FKTN: variants seen among roughly 807,000 people sequenced by gnomAD.
The protein encoded by FKTN is fukutin.
In FKTN, 47 loss-of-function variants were observed where a neutral mutation model predicts 58.6. The ratio of observed to expected loss-of-function variants is 0.80; its 90% CI spans 0.63 to 1.02. The LOEUF (loss-of-function observed/expected upper bound fraction) is 1.02, where lower values mean the gene tolerates loss of function less well. Ranked by LOEUF, FKTN falls within the 50% of genes least tolerant of loss-of-function variation. The probability of loss-of-function intolerance (pLI) is 0.00; values close to 1 mark genes in which losing one functional copy is unlikely to be tolerated. For synonymous variants in FKTN, 178 were observed against 191.9 expected (o/e 0.93, Z 0.60); for missense variants, 516 against 537.3 (o/e 0.96, Z 0.39).
chr9:105,623,642 G>A (rs1461124390), intron 10 of FKTN, among the ~76,000 whole-genome samples: 1 of 152,152 alleles, frequency 6.6e-6, no homozygotes, highest in East Asian at 1.9e-4. Context: ...CCATCCAGGT[G>A]TGGATCCTGT....
At chr9:105,597,235 A>G (rs1826975269) in intron 4 of FKTN, among the ~76,000 whole-genome samples, 1 of 152,168 alleles carries the variant, frequency 6.6e-6, no homozygotes, top group African/African-American at 2.4e-5. Context: ...GTTAGCATAC[A>G]TTATGGGAAT....
rs112124536 is a variant in FKTN, at chr9:105,575,265, GC to G, written c.105+129del. 4.1e-3 allele frequency: 2,732 copies of G among 673,658 alleles called. 69 individuals carry two copies. The African/African-American group carries it at 0.044, about 11-fold the overall frequency. The allele number at this position is 673,658 out of a possible 1,614,324, so 41.7% of individuals were successfully genotyped here. A position where few individuals can be genotyped will look rare whatever the true frequency, so the allele number is the denominator to read the frequency against. On this transcript the variant is annotated intron_variant, in intron 3 of 10. Transcript: ENST00000357998. ...AATTCTTGCATCTTTGCGAGGTGTG[GC>G]AAACAATTAAAAATTCAGTTAAATA... is the stretch of plus-strand genomic sequence containing the variant.
Position 105,638,499 on chromosome 9 carries a change from A to G in FKTN, c.*3235A>G. The G allele has an allele frequency of 1.0e-6, 1 of 985,350 alleles. No individual in the cohort carries two copies. Among genetic ancestry groups the G allele is most frequent in the Non-Finnish European group, 1.2e-6 (1 of 829,910 alleles). 61.0% of individuals were successfully genotyped at this position (985,350 alleles called of 1,614,324 possible). On this transcript the variant is annotated 3_prime_UTR_variant, in exon 11 of 11. Transcript: ENST00000357998. ...TCAAGATGCATCCCATTGCCACTTT[A>G]CCATTCTATTTCCCAAGGGAACCAT... is the stretch of plus-strand genomic sequence containing the variant.
At chr9:105,598,226 A>G (rs930806590) in intron 4 of FKTN, 6 of 403,468 alleles carry the variant, frequency 1.5e-5, no homozygotes, top group East Asian at 7.8e-5. Context: ...GGACTAAAAA[A>G]AATTGTAAAT....
At chr9:105,628,997 C>T (rs1278699490) in intron 10 of FKTN, among the ~76,000 whole-genome samples, 1 of 152,138 alleles carries the variant, frequency 6.6e-6, no homozygotes, top group African/African-American at 2.4e-5. Context: ...TGTGGTTACA[C>T]AGGTATATAC....
chr9:105,629,402 G>A (rs1833126430), intron 10 of FKTN, among the ~76,000 whole-genome samples: 1 of 152,138 alleles, frequency 6.6e-6, no homozygotes, highest in Non-Finnish European at 1.5e-5. Context: ...AACAAATTGT[G>A]TAATCTGATA....
chr9:105,635,175 A>G lies in FKTN; in HGVS notation c.1297A>G (p.Thr433Ala), dbSNP rs141918432. The change falls in exon 11 of 11, where the codon ACG (threonine) becomes GCG (alanine). Residue 433 changes from threonine to alanine, a missense_variant. Transcript: ENST00000357998. ...TAAGACCTGGAAGATTCCTGTAAAG[A>G]CGTGGGACTGGAAGCGCTCTCCTCC... is the stretch of plus-strand genomic sequence containing the variant. ...YGKTWKIPVK[T>A]WDWKRSPPNV... is the part of the protein sequence containing the mutation. 2.6e-3 allele frequency: 4,160 copies of G among 1,614,198 alleles called. 11 individuals are homozygous for G. Among genetic ancestry groups the G allele is most frequent in the Non-Finnish European group, 3.0e-3 (3,516 of 1,180,010 alleles).
chr9:105,628,120 A>G (rs1832956029), intron 10 of FKTN, among the ~76,000 whole-genome samples: 1 of 152,236 alleles, frequency 6.6e-6, no homozygotes, highest in African/African-American at 2.4e-5. Context: ...TTGTAACTCC[A>G]AGAAACACAT....
chr9:105,638,278 T>G lies in FKTN; in HGVS notation c.*3014T>G, dbSNP rs1468081077. 5.1e-6 allele frequency: 5 copies of G among 985,202 alleles called. No homozygotes were observed. The highest frequency in any genetic ancestry group is 6.0e-6 in the Non-Finnish European group (5 of 829,920). The allele number at this position is 985,202 out of a possible 1,614,324, so 61.0% of individuals were successfully genotyped here. ...GCTTCATTGAGGCTAAGTCTCAGGG[T>G]GTTTCTGCCGCTTAGTATCTTTTTG... is the stretch of plus-strand genomic sequence containing the variant. On this transcript the variant is annotated 3_prime_UTR_variant, in exon 11 of 11. Transcript: ENST00000357998.
chr9:105,564,326 G>T (rs915203514), intron 1 of FKTN, among the ~76,000 whole-genome samples: 1 of 152,214 alleles, frequency 6.6e-6, no homozygotes, highest in Non-Finnish European at 1.5e-5. Flanking sequence ...GAGAGAAGAA[G>T]GCTTCAGACG....
At chr9:105,585,117 G>GAA (rs35912971) in intron 3 of FKTN, among the ~76,000 whole-genome samples, 8 of 150,984 alleles carry the variant, frequency 5.3e-5, no homozygotes, top group Non-Finnish European at 7.4e-5. Context: ...ATGCCAGTAG[G>GAA]AAAAAAAAAT....
At chr9:105,559,232 T>C (rs559921667) in intron 1 of FKTN, among the ~76,000 whole-genome samples, 3 of 152,354 alleles carry the variant, frequency 2.0e-5, no homozygotes, top group East Asian at 3.9e-4. Context: ...GCCTCTTGGC[T>C]GTCATTTAAT....
At chr9:105,576,340 C>G (rs930605485) in intron 3 of FKTN, among the ~76,000 whole-genome samples, 9 of 151,924 alleles carry the variant, frequency 5.9e-5, no homozygotes, top group African/African-American at 1.9e-4. Flanking sequence ...ACAACAGTCC[C>G]CAGAGTGTGA....
intron 3 of FKTN, among the ~76,000 whole-genome samples, chr9:105,589,934 G>C (rs76891113): frequency 0.018 from 2,757 of 152,292 alleles, 73 homozygotes; most frequent in African/African-American, 0.063. Context: ...AGTAGGTAAG[G>C]TTAGAGTTTC....
rs1026390370 is a variant in FKTN at position 105,571,540 on chromosome 9, A to G, written c.-180-2115A>G. Among the ~76,000 whole-genome samples the G allele has an allele frequency of 2.0e-5, 3 of 152,216 alleles. No homozygotes were observed. In the East Asian group the frequency reaches 5.8e-4, roughly 29 times the overall value. ...TTTATAAGAATTAGTTGTAAACTAG[A>G]GAAGAAAGAACAAGATATTAATTTA... On this transcript the variant is annotated intron_variant, in intron 1 of 10. Coordinates refer to ENST00000357998, the MANE Select transcript of FKTN (RefSeq NM_001079802.2).
chr9:105,606,694 T>A (rs59370024), intron 6 of FKTN, among the ~76,000 whole-genome samples: 66 of 92,104 alleles, frequency 7.2e-4, no homozygotes, highest in Admixed American at 1.1e-3. Context: ...TATATATATA[T>A]TATATATATA....
intron 3 of FKTN, among the ~76,000 whole-genome samples, chr9:105,581,214 C>A (rs1842822935): frequency 6.7e-6 from 1 of 149,900 alleles, no homozygotes; most frequent in Non-Finnish European, 1.5e-5. Flanking sequence ...TGGTGAGGAA[C>A]TGCGTTCCTT....
chr9:105,595,116 T>C (rs1564269313), intron 3 of FKTN, among the ~76,000 whole-genome samples: 1 of 152,104 alleles, frequency 6.6e-6, no homozygotes, highest in Non-Finnish European at 1.5e-5. Flanking sequence ...TTATGTAGTG[T>C]CCATAATGGG....
chr9:105,586,157 C>G (rs1376686833), intron 3 of FKTN, among the ~76,000 whole-genome samples: 2 of 152,266 alleles, frequency 1.3e-5, no homozygotes, highest in South Asian at 4.2e-4. Flanking sequence ...TTAGACAAGC[C>G]TAGCTTTTCT....
Sources: gnomAD v4.1 joint callset for allele counts (sites outside exome capture counted in the v4.1 genomes callset) on GRCh38, gnomAD v4.1.1 for gene constraint, MANE v1.5 for transcripts, NCBI Gene and HGNC (gene_info 2026-07-23, HGNC 2026-07-21) for gene names.